Variants in OR52N4 observed in about 807,000 individuals in gnomAD.
OR52N4 encodes olfactory receptor 52N4.
OR52N4 carries 15 observed loss-of-function variants against 15.0 expected under a neutral mutation model. That is an observed-to-expected ratio of 1.00 (90% confidence interval 0.67 to 1.54). The LOEUF is 1.54. OR52N4 is among the 40% of genes most tolerant of loss of function. OR52N4 has a pLI of 0.00. For synonymous variants in OR52N4, 143 were observed against 143.7 expected, an observed-to-expected ratio of 1.00 and a Z score of 0.03; for missense variants, 421 against 394.0, an observed-to-expected ratio of 1.07 and a Z score of -0.58.
chr11:5,747,827 C>G, the OR52N4 span, among the ~76,000 whole-genome samples: 8 of 151,820 alleles, frequency 5.3e-5, no homozygotes, highest in African/African-American at 1.9e-4. Flanking sequence ...GCATTAAAAC[C>G]AATAATATAA....
the OR52N4 span, chr11:5,736,275 A>G: frequency 2.0e-6 from 1 of 495,672 alleles, no homozygotes; most frequent in South Asian, 2.5e-5. Context: ...ATGTAGCTAT[A>G]AATTTCATCT....
chr11:5,736,820 A>G, the OR52N4 span: 2 of 1,613,850 alleles, frequency 1.2e-6, no homozygotes, highest in African/African-American at 2.7e-5. Context: ...CAAGGTTATT[A>G]GCCTCCCTGA....
At chr11:5,748,913 T>C in the OR52N4 span, among the ~76,000 whole-genome samples, 2 of 152,180 alleles carry the variant, frequency 1.3e-5, no homozygotes, top group African/African-American at 4.8e-5. Context: ...TATTTGCTTA[T>C]ATACGTATCA....
chr11:5,741,059 GAT>G, the OR52N4 span, among the ~76,000 whole-genome samples: 2 of 136,224 alleles, frequency 1.5e-5, 1 homozygote, highest in Non-Finnish European at 3.2e-5. Flanking sequence ...CATGCAGGAA[GAT>G]AATAAAGAAG....
chr11:5,755,116 G>T lies in OR52N4; in HGVS notation c.376G>T (p.Val126Leu). 6.2e-7 allele frequency: 1 copy of T among 1,614,050 alleles called. No individual in the cohort carries two copies. Among genetic ancestry groups the T allele is most frequent in the Non-Finnish European group, 8.5e-7 (1 of 1,179,976 alleles). Reference protein sequence around the residue: ...VLMLMALDRYVAICYPLRYST... With the variant: ...VLMLMALDRYLAICYPLRYST... ...TATGCTTATGGCCCTGGATCGCTAT[G>T]TGGCCATCTGCTACCCCTTACGCTA... The change falls in exon 2 of 2, where the codon GTG becomes TTG. Residue 126 changes from valine to leucine, a missense_variant. By Grantham distance (32) the Val-to-Leu change is conservative. Transcript: ENST00000641350.
chr11:5,754,813 A>C lies in OR52N4; in HGVS notation c.73A>C (p.Thr25Pro). Reference sequence around the variant, plus strand: ...GAATGGAGTCCCAGGACTGGAAGACACACAACTCTGGATTTCCTTCCCATT... The same window carrying C: ...GAATGGAGTCCCAGGACTGGAAGACCCACAACTCTGGATTTCCTTCCCATT... The part of the protein sequence containing the change: ...ILNGVPGLED[T>P]QLWISFPFCS... The change falls in exon 2 of 2, where the codon ACA (threonine) becomes CCA (proline). Residue 25 changes from threonine to proline, a missense_variant. Thr to Pro is a conservative substitution (Grantham distance 38, BLOSUM62 -1). Coordinates refer to ENST00000641350, the MANE Select transcript of OR52N4 (RefSeq NM_001005175.5). 2 of 1,613,762 alleles carry C rather than the reference A, an allele frequency of 1.2e-6. No individual in the cohort carries two copies. Among genetic ancestry groups the C allele is most frequent in the Non-Finnish European group, 1.7e-6 (2 of 1,179,760 alleles).
At chr11:5,751,234 C>A (rs2134211419), upstream of OR52N4, among the ~76,000 whole-genome samples, 2 of 151,814 alleles carry the variant, frequency 1.3e-5, no homozygotes, top group East Asian at 3.9e-4. Context: ...GTATAATTTT[C>A]ATTCTGATGA....
At chr11:5,736,119 A>C in the OR52N4 span, 1 of 203,344 alleles carries the variant, frequency 4.9e-6, no homozygotes, top group Non-Finnish European at 1.0e-5. Context: ...CAACCTCCTC[A>C]GAAGTGCATA....
chr11:5,737,102 C>A, the OR52N4 span: 1 of 1,614,004 alleles, frequency 6.2e-7, no homozygotes. Context: ...GGTCACAAGC[C>A]TGGCTTGTGA....
chr11:5,739,232 CAAG>C, the OR52N4 span, among the ~76,000 whole-genome samples: 2 of 125,194 alleles, frequency 1.6e-5, 1 homozygote, highest in Admixed American at 1.5e-4. Flanking sequence ...TATAAAGTTA[CAAG>C]AAGATAGTGT....
chr11:5,744,820 G>C, the OR52N4 span, among the ~76,000 whole-genome samples: 1 of 152,188 alleles, frequency 6.6e-6, no homozygotes, highest in Admixed American at 6.5e-5. Context: ...AGCTGAGAGA[G>C]GAGGATTGGA....
Position 5,755,523 on chromosome 11 carries a change from C to G in OR52N4, c.783C>G (p.Phe261Leu). ...VFSYTPAFFS[F>L]FSHRFGEHII... ...CCTATACTCCAGCTTTCTTCTCCTT[C>G]TTTTCCCACCGCTTTGGGGAACACA... is the stretch of plus-strand genomic sequence containing the variant. Residue 261 changes from phenylalanine (F) to leucine (L), a missense_variant, in exon 2 of 2, where the codon TTC becomes TTG. Coordinates refer to ENST00000641350, the MANE Select transcript of OR52N4 (RefSeq NM_001005175.5). 1 of 1,613,910 alleles carries G rather than the reference C, an allele frequency of 6.2e-7. No homozygotes were observed. Among genetic ancestry groups the G allele is most frequent in the Non-Finnish European group, 8.5e-7 (1 of 1,179,826 alleles).
upstream of OR52N4, among the ~76,000 whole-genome samples, chr11:5,751,924 T>C (rs1448135081): frequency 2.0e-5 from 3 of 152,176 alleles, no homozygotes; most frequent in Admixed American, 1.3e-4. Flanking sequence ...GTCGCTATCA[T>C]GTCCAAAGGA....
chr11:5,745,634 C>T, the OR52N4 span, among the ~76,000 whole-genome samples: 1 of 152,136 alleles, frequency 6.6e-6, no homozygotes, highest in Non-Finnish European at 1.5e-5. Flanking sequence ...AAGCAATCTA[C>T]ACAGTCAATG....
At chr11:5,749,594 CT>C (rs1233731750), upstream of OR52N4, among the ~76,000 whole-genome samples, 1 of 151,854 alleles carries the variant, frequency 6.6e-6, no homozygotes, top group African/African-American at 2.4e-5. Flanking sequence ...ACTTGCTCTC[CT>C]TTACTTCCCC....
At position 5,755,371 on chromosome 11, in the gene OR52N4, T is replaced by G; in HGVS notation, c.631T>G (p.Phe211Val). ...GATGGTTGCCCTCCTGATTTGGGGC[T>G]TTGACATACTGTGTATCACCAACTC... ...GLMVALLIWG[F>V]DILCITNSYT... is the part of the protein sequence containing the mutation. Residue 211 changes from phenylalanine (F) to valine (V), a missense_variant, in exon 2 of 2, where the codon TTT becomes GTT. By Grantham distance (50) the Phe-to-Val change is conservative. Transcript: ENST00000641350. The G allele has an allele frequency of 6.2e-7, 1 of 1,614,074 alleles. No individual in the cohort carries two copies. The highest frequency in any genetic ancestry group is 1.1e-5 in the South Asian group (1 of 91,084).
chr11:5,735,464 A>G, the OR52N4 span, among the ~76,000 whole-genome samples: 3 of 152,118 alleles, frequency 2.0e-5, no homozygotes, highest in Non-Finnish European at 4.4e-5. Flanking sequence ...AAGGAATACC[A>G]GTGTCTGAAA....
chr11:5,734,984 G>C, the OR52N4 span, among the ~76,000 whole-genome samples: 2 of 151,958 alleles, frequency 1.3e-5, no homozygotes, highest in African/African-American at 4.8e-5. Context: ...CAGGCAGTAA[G>C]AAACCTCTGA....
chr11:5,733,131 T>A, the OR52N4 span, among the ~76,000 whole-genome samples: 1 of 152,228 alleles, frequency 6.6e-6, no homozygotes, highest in African/African-American at 2.4e-5. Flanking sequence ...ATGTACAATC[T>A]GGTCTTCACA....
Sources: gnomAD v4.1 joint callset for allele counts (sites outside exome capture counted in the v4.1 genomes callset) on GRCh38, gnomAD v4.1.1 for gene constraint, MANE v1.5 for transcripts, NCBI Gene and HGNC (gene_info 2026-07-23, HGNC 2026-07-21) for gene names.